The following PCNX2 variants were observed in gnomAD, a reference collection of about 807,000 sequenced individuals.
PCNX2 encodes pecanex 2.
In PCNX2, 168 loss-of-function variants were observed where a neutral mutation model predicts 223.8. The ratio of observed to expected loss-of-function variants is 0.75; its 90% CI spans 0.66 to 0.85. The LOEUF (loss-of-function observed/expected upper bound fraction) is 0.85, where lower values mean the gene tolerates loss of function less well. PCNX2 is among the 40% of genes least tolerant of loss of function. The pLI is 0.00. For synonymous variants in PCNX2, 1,006 were observed against 1,052.6 expected, an observed-to-expected ratio of 0.96 and a Z score of 0.86; for missense variants, 2,507 against 2,675.5, an observed-to-expected ratio of 0.94 and a Z score of 1.39.
At chr1:233,301,637 A>G in the PCNX2 span, among the ~76,000 whole-genome samples, 4 of 152,192 alleles carry the variant, frequency 2.6e-5, no homozygotes, top group Admixed American at 6.5e-5. Context: ...CCAAAAATCA[A>G]TTATATATTT....
intron 1 of PCNX2, among the ~76,000 whole-genome samples, chr1:233,264,547 C>T (rs906265526): frequency 6.6e-6 from 1 of 152,098 alleles, no homozygotes; most frequent in Non-Finnish European, 1.5e-5. Context: ...AGATGATCAA[C>T]AAGTAAAAGA....
At chr1:233,115,386 G>A (rs564346256) in intron 21 of PCNX2, among the ~76,000 whole-genome samples, 4 of 152,244 alleles carry the variant, frequency 2.6e-5, no homozygotes, top group Non-Finnish European at 5.9e-5. Flanking sequence ...CCGAAGAGAA[G>A]CTTTAAGGGA....
intron 21 of PCNX2, among the ~76,000 whole-genome samples, chr1:233,130,790 C>A (rs372194309): frequency 8.8e-5 from 13 of 148,534 alleles, no homozygotes; most frequent in African/African-American, 3.2e-4. Context: ...GCACCCCCCC[C>A]TTTTTTTTTT....
At chr1:233,028,863 G>A (rs1671172131) in intron 25 of PCNX2, among the ~76,000 whole-genome samples, 1 of 142,900 alleles carries the variant, frequency 7.0e-6, no homozygotes, top group Non-Finnish European at 1.5e-5. Flanking sequence ...TTTTGAGATG[G>A]AGTCTCACTC....
chr1:233,287,857 G>A (rs185725118), intron 1 of PCNX2, among the ~76,000 whole-genome samples: 35 of 152,256 alleles, frequency 2.3e-4, no homozygotes, highest in African/African-American at 6.7e-4. Context: ...TGGGAATAAT[G>A]ATGGTGCCTC....
rs188886692 is a variant in PCNX2 at position 233,258,099 on chromosome 1, G to T, written c.1763C>A (p.Thr588Asn). The T allele has an allele frequency of 2.5e-6, 4 of 1,613,984 alleles. No individual in the cohort carries two copies. Among genetic ancestry groups the T allele is most frequent in the Non-Finnish European group, 3.4e-6 (4 of 1,179,848 alleles). ...EFVSLLESINTSKMTASSQLN... is the reference protein window; with the variant it reads ...EFVSLLESINNSKMTASSQLN... ...TTGACTGGATGCCGTCATCTTGGAA[G>T]TATTAATGGATTCTAACAGGGAGAC... Residue 588 changes from threonine (T) to asparagine (N), a missense_variant, in exon 5 of 34, where the codon ACT becomes AAT. Thr to Asn is a moderately conservative substitution (Grantham distance 65, BLOSUM62 0). Transcript: ENST00000258229.
At chr1:233,018,919 G>T (rs1268549553) in intron 26 of PCNX2, 2 of 985,294 alleles carry the variant, frequency 2.0e-6, no homozygotes, top group Non-Finnish European at 2.4e-6. Flanking sequence ...CGAATATTGG[G>T]TGGACGGAAA....
At chr1:233,008,895 G>A (rs549607450) in intron 28 of PCNX2, among the ~76,000 whole-genome samples, 2 of 152,316 alleles carry the variant, frequency 1.3e-5, no homozygotes, top group South Asian at 2.1e-4. Flanking sequence ...ACAAGGAAGC[G>A]TGCATAGGTG....
At chr1:233,023,284 C>T (rs186501453) in intron 26 of PCNX2, among the ~76,000 whole-genome samples, 10 of 152,340 alleles carry the variant, frequency 6.6e-5, no homozygotes, top group Non-Finnish European at 1.2e-4. Flanking sequence ...CTTCTGTGAA[C>T]ACACGATTTC....
intron 12 of PCNX2, among the ~76,000 whole-genome samples, chr1:233,215,555 C>A (rs561231041): frequency 6.1e-4 from 93 of 152,310 alleles, no homozygotes; most frequent in African/African-American, 2.2e-3. Flanking sequence ...AAGGATTATG[C>A]AGCTGTACTT....
chr1:233,067,223 C>A (rs7515013), intron 23 of PCNX2, among the ~76,000 whole-genome samples: 1 of 150,826 alleles, frequency 6.6e-6, no homozygotes, highest in East Asian at 2.0e-4. Context: ...AACAGGAAGA[C>A]CTCAAAATGA....
In PCNX2 at chr1:233,058,498, T is replaced by C. The variant is rs1310910831; in HGVS notation, c.4077-1208A>G. 3 of 152,206 alleles carry C rather than the reference T, an allele frequency of 2.0e-5. No homozygotes were observed. In the East Asian group the frequency reaches 5.8e-4, roughly 29 times the overall value. 9.4% of individuals were successfully genotyped at this position (152,206 alleles called of 1,614,324 possible). A position where few individuals can be genotyped will look rare whatever the true frequency, so the allele number is the denominator to read the frequency against. ...TCACCTACAAAATGGCAATTTCATA[T>C]GGTTAAATCTGATATATTCGCCATT... On this transcript the variant is annotated intron_variant, in intron 23 of 33. Transcript: ENST00000258229.
chr1:233,087,148 A>C, intron 23 of PCNX2: 1 of 985,418 alleles, frequency 1.0e-6, no homozygotes, highest in Non-Finnish European at 1.2e-6. Context: ...CACTTCCTTG[A>C]AGTATTAAAA....
chr1:233,019,917 C>T (rs1214143387), intron 26 of PCNX2, among the ~76,000 whole-genome samples: 3 of 152,098 alleles, frequency 2.0e-5, no homozygotes, highest in African/African-American at 4.8e-5. Context: ...CCACGAGCAC[C>T]GCTTCTCAGC....
chr1:233,288,719 C>G (rs1661580835), intron 1 of PCNX2: 1 of 576,564 alleles, frequency 1.7e-6, no homozygotes, highest in Non-Finnish European at 3.0e-6. Context: ...AATTGAGAGA[C>G]AACTGCATGG....
intron 17 of PCNX2, among the ~76,000 whole-genome samples, chr1:233,166,266 A>G (rs77709339): frequency 0.07 from 10,608 of 152,192 alleles, 582 homozygotes; most frequent in East Asian, 0.31. Flanking sequence ...TTAACTCAAC[A>G]TCATGAACCT....
chr1:233,025,671 C>T (rs1436175679), intron 25 of PCNX2: 2 of 471,456 alleles, frequency 4.2e-6, no homozygotes, highest in African/African-American at 3.9e-5. Flanking sequence ...AATGTCAACA[C>T]AGAAGAACAT....
intron 32 of PCNX2, among the ~76,000 whole-genome samples, chr1:232,992,913 C>T (rs956180456): frequency 6.6e-6 from 1 of 152,202 alleles, no homozygotes; most frequent in African/African-American, 2.4e-5. Flanking sequence ...CGCCTTCTGC[C>T]ATGATTGTAA....
At chr1:233,074,623 A>T (rs568533651) in intron 23 of PCNX2, among the ~76,000 whole-genome samples, 1 of 148,410 alleles carries the variant, frequency 6.7e-6, no homozygotes, top group South Asian at 2.1e-4. Flanking sequence ...AAAAAAAAAA[A>T]GAGGACGAAA....
Sources: gnomAD v4.1 joint callset for allele counts (sites outside exome capture counted in the v4.1 genomes callset) on GRCh38, gnomAD v4.1.1 for gene constraint, MANE v1.5 for transcripts, NCBI Gene and HGNC (gene_info 2026-07-23, HGNC 2026-07-21) for gene names.